Variants in NAV3 observed in about 807,000 individuals in gnomAD.
NAV3 encodes the protein neuron navigator 3, also known as pore membrane and/or filament interacting like protein 1.
In NAV3, 87 loss-of-function variants were observed where a neutral mutation model predicts 244.7. The ratio of observed to expected loss-of-function variants is 0.36; its 90% confidence interval spans 0.30 to 0.42. The LOEUF (loss-of-function observed/expected upper bound fraction) is 0.42. Among genes scored for constraint, NAV3 ranks in the 20% least tolerant of loss-of-function variants. The pLI, the probability that NAV3 is intolerant of heterozygous loss-of-function variation, is 1.00. For synonymous variants in NAV3, 1,126 were observed against 1,042.2 expected (o/e 1.08, Z -1.55); for missense variants, 2,663 against 2,893.3 (o/e 0.92, Z 1.83).
chr12:77,928,242 A>AAAGAG (rs753246963), intron 1 of NAV3, among the ~76,000 whole-genome samples: 3 of 137,842 alleles, frequency 2.2e-5, no homozygotes, highest in East Asian at 4.6e-4. Flanking sequence ...AAAAAAAAAA[A>AAAGAG]AGAGAGAGAG....
chr12:77,910,225 G>C (rs1886440418), intron 1 of NAV3, among the ~76,000 whole-genome samples: 1 of 152,038 alleles, frequency 6.6e-6, no homozygotes, highest in Non-Finnish European at 1.5e-5. Context: ...GCCAGCATCT[G>C]CTTCTGATGA....
At chr12:78,000,441 C>CA (rs1873052624) in intron 7 of NAV3, among the ~76,000 whole-genome samples, 2 of 150,662 alleles carry the variant, frequency 1.3e-5, no homozygotes, top group African/African-American at 4.9e-5. Context: ...GCTGTATTTC[C>CA]AAAATACTAT....
chr12:78,124,405 C>T (rs1955813199), intron 16 of NAV3, among the ~76,000 whole-genome samples: 1 of 151,636 alleles, frequency 6.6e-6, no homozygotes, highest in Non-Finnish European at 1.5e-5. Flanking sequence ...ATTTATTGTA[C>T]ATGTTCAGTC....
intron 5 of NAV3, among the ~76,000 whole-genome samples, chr12:77,979,721 A>AAAAAAAAAC (rs1869204938): frequency 6.6e-6 from 1 of 151,098 alleles, no homozygotes; most frequent in African/African-American, 2.4e-5. Context: ...AGAAAAAAAA[A>AAAAAAAAAC]AAAAAGCCTT....
intron 2 of NAV3, among the ~76,000 whole-genome samples, chr12:77,824,918 C>T (rs1374584698): frequency 7.0e-6 from 1 of 142,460 alleles, no homozygotes; most frequent in Non-Finnish European, 1.6e-5. Context: ...ACAACAACAA[C>T]AACAACAAAG....
intron 1 of NAV3, among the ~76,000 whole-genome samples, chr12:77,909,524 G>A (rs1224363566): frequency 2.0e-5 from 3 of 151,984 alleles, no homozygotes; most frequent in East Asian, 1.9e-4. Flanking sequence ...AAAAAAGGCA[G>A]ATTAGCTTGT....
At chr12:77,888,024 G>GTTTT (rs1555223631) in intron 1 of NAV3, among the ~76,000 whole-genome samples, 99,409 of 148,320 alleles carry the variant, frequency 0.67, 33,849 homozygotes, top group African/African-American at 0.8. Flanking sequence ...AAGTTGTTGA[G>GTTTT]TTTTTTTTTT....
intron 2 of NAV3, among the ~76,000 whole-genome samples, chr12:77,704,149 C>T (rs1414845113): frequency 6.6e-6 from 1 of 152,012 alleles, no homozygotes; most frequent in Admixed American, 6.6e-5. Context: ...TATTTTAATG[C>T]CTTTTGTTTA....
intron 1 of NAV3, among the ~76,000 whole-genome samples, chr12:77,846,643 T>A (rs1362647348): frequency 6.6e-6 from 1 of 152,226 alleles, no homozygotes; most frequent in East Asian, 1.9e-4. Context: ...TAGTTGGAGA[T>A]CTCATATTTA....
chr12:78,174,548 G>A (rs773999060), intron 24 of NAV3, among the ~76,000 whole-genome samples: 9 of 151,802 alleles, frequency 5.9e-5, no homozygotes, highest in Non-Finnish European at 1.2e-4. Context: ...AGGTACTCCG[G>A]GGGCATATCA....
At position 77,751,322 on chromosome 12, in the gene NAV3, C is replaced by T. The variant is rs76328785; in HGVS notation, c.72+179056C>T. 2.1e-4 allele frequency among the ~76,000 whole-genome samples: 32 copies of T among 152,288 alleles called. No homozygotes were observed. The East Asian group carries it at 6.2e-3, about 29-fold the overall frequency. ...TTTTTCTCCTCAAATCCAGTATCTACCCCTGCCTAGGCATATCTACCTATA... is the reference window on the plus strand; with the variant it reads ...TTTTTCTCCTCAAATCCAGTATCTATCCCTGCCTAGGCATATCTACCTATA... On this transcript the variant is annotated intron_variant, in intron 2 of 8. Transcript: ENST00000550042.
intron 2 of NAV3, among the ~76,000 whole-genome samples, chr12:77,586,636 G>T (rs1869627726): frequency 6.6e-6 from 1 of 152,142 alleles, no homozygotes; most frequent in Non-Finnish European, 1.5e-5. Flanking sequence ...TGCAAAATAG[G>T]AACAGGAGCT....
At chr12:77,932,324 G>C (rs1242275) in intron 1 of NAV3, among the ~76,000 whole-genome samples, 127,214 of 152,008 alleles carry the variant, frequency 0.84, 53,377 homozygotes, top group East Asian at 0.98. Flanking sequence ...CTTGAATTTG[G>C]TTCATCCTAC....
In NAV3 at chr12:77,950,302, T is replaced by A. The variant is rs147083149; in HGVS notation, c.414+9169T>A. Among the ~76,000 whole-genome samples the A allele has an allele frequency of 3.9e-5, 6 of 152,260 alleles. No homozygotes were observed. The South Asian group carries it at 6.2e-4, about 16-fold the overall frequency. On this transcript the variant is annotated intron_variant, in intron 3 of 39. Transcript: ENST00000397909. ...GAGTGAGAGTTCCTGCTGCTTCACATCCTCACTAGCATTTGGTGTTGTCAA... is the reference window on the plus strand; with the variant it reads ...GAGTGAGAGTTCCTGCTGCTTCACAACCTCACTAGCATTTGGTGTTGTCAA...
chr12:78,064,311 C>T (rs550673364), intron 12 of NAV3, among the ~76,000 whole-genome samples: 1 of 152,222 alleles, frequency 6.6e-6, no homozygotes, highest in African/African-American at 2.4e-5. Context: ...TTGATGAGAA[C>T]TCTTCCTGAC....
intron 5 of NAV3, among the ~76,000 whole-genome samples, chr12:77,971,710 A>G (rs1183369668): frequency 6.6e-6 from 1 of 152,080 alleles, no homozygotes; most frequent in East Asian, 1.9e-4. Flanking sequence ...ATGCCTTTCT[A>G]TTGATTTCAA....
intron 2 of NAV3, among the ~76,000 whole-genome samples, chr12:77,578,463 G>A (rs1232895832): frequency 6.6e-6 from 1 of 152,050 alleles, no homozygotes; most frequent in African/African-American, 2.4e-5. Context: ...AGTATTTCCT[G>A]GAATCATCAG....
chr12:77,721,419 T>C (rs1876627187), intron 2 of NAV3, among the ~76,000 whole-genome samples: 1 of 152,166 alleles, frequency 6.6e-6, no homozygotes, highest in Non-Finnish European at 1.5e-5. Context: ...TTAACCTTTT[T>C]GTTTTAGCTC....
At chr12:77,987,784 A>G (rs1870778936) in intron 5 of NAV3, among the ~76,000 whole-genome samples, 1 of 152,206 alleles carries the variant, frequency 6.6e-6, no homozygotes, top group Non-Finnish European at 1.5e-5. Flanking sequence ...ATATTCAGAG[A>G]GGGGATTCTG....
Sources: allele counts gnomAD v4.1 joint callset (sites outside exome capture counted in the v4.1 genomes callset), GRCh38; gene constraint gnomAD v4.1.1; transcripts MANE v1.5; gene names NCBI Gene and HGNC (gene_info 2026-07-23, HGNC 2026-07-21).